The following CTIF variants were observed in gnomAD, a reference collection of about 807,000 sequenced individuals.
CTIF encodes CBP80/20-dependent translation initiation factor.
In CTIF, 21 loss-of-function variants were observed where a neutral mutation model predicts 66.0. That is an observed-to-expected ratio of 0.32 (90% CI 0.23 to 0.46). The LOEUF is 0.46. Ranked by LOEUF, CTIF falls within the 20% of genes least tolerant of loss-of-function variation. CTIF has a pLI of 1.00. For synonymous variants in CTIF, 345 were observed against 326.4 expected, an observed-to-expected ratio of 1.06 and a Z score of -0.62; for missense variants, 739 against 812.7, an observed-to-expected ratio of 0.91 and a Z score of 1.10.
intron 3 of CTIF, among the ~76,000 whole-genome samples, chr18:48,663,498 A>T (rs1417870456): frequency 1.3e-5 from 2 of 151,952 alleles, no homozygotes; most frequent in East Asian, 3.9e-4. Flanking sequence ...CTTTGAGGAG[A>T]GAGCCATGGG....
At chr18:48,667,494 C>T (rs2091456798) in intron 5 of CTIF, among the ~76,000 whole-genome samples, 2 of 152,252 alleles carry the variant, frequency 1.3e-5, no homozygotes, top group Middle Eastern at 3.4e-3. Flanking sequence ...GAGATCGAAG[C>T]GATGGTGCTG....
intron 9 of CTIF, among the ~76,000 whole-genome samples, chr18:48,793,694 T>C (rs1394528076): frequency 6.6e-6 from 1 of 152,216 alleles, no homozygotes; most frequent in African/African-American, 2.4e-5. Context: ...TCTTCATTTA[T>C]TGACTTTTCC....
chr18:48,553,538 G>T (rs956100076), intron 1 of CTIF, among the ~76,000 whole-genome samples: 6 of 152,338 alleles, frequency 3.9e-5, no homozygotes, highest in African/African-American at 1.4e-4. Context: ...CCAGCTCCTG[G>T]CTCATCCCAC....
At chr18:48,771,753 C>T (rs1024216987) in intron 9 of CTIF, among the ~76,000 whole-genome samples, 6 of 152,230 alleles carry the variant, frequency 3.9e-5, no homozygotes, top group Non-Finnish European at 5.9e-5. Context: ...CCTCCTCCTT[C>T]CCCGGAGCCA....
intron 9 of CTIF, among the ~76,000 whole-genome samples, chr18:48,772,765 TG>T (rs1481462664): frequency 7.2e-5 from 11 of 152,264 alleles, no homozygotes; most frequent in African/African-American, 2.4e-4. Context: ...TTCCACCTTT[TG>T]ACTATTGTGA....
At chr18:48,795,035 C>G (rs1281329072) in intron 9 of CTIF, among the ~76,000 whole-genome samples, 3 of 152,134 alleles carry the variant, frequency 2.0e-5, no homozygotes, top group Admixed American at 6.5e-5. Flanking sequence ...ACATGGCAAT[C>G]CTAAGTGGTT....
intron 2 of CTIF, among the ~76,000 whole-genome samples, chr18:48,620,276 G>A (rs561826001): frequency 2.0e-5 from 3 of 152,278 alleles, no homozygotes; most frequent in South Asian, 2.1e-4. Flanking sequence ...TCCAACCAGC[G>A]TCATGTTTGG....
intron 6 of CTIF, among the ~76,000 whole-genome samples, chr18:48,709,422 G>T (rs1160991625): frequency 6.6e-6 from 1 of 152,242 alleles, no homozygotes; most frequent in Non-Finnish European, 1.5e-5. Context: ...TGCTGCCTGT[G>T]TGCAGGTAAG....
chr18:48,842,228 G>C (rs1487069624), intron 10 of CTIF, among the ~76,000 whole-genome samples: 1 of 152,174 alleles, frequency 6.6e-6, no homozygotes, highest in African/African-American at 2.4e-5. Flanking sequence ...AGATTCAGGG[G>C]CTGCGGGGAT....
chr18:48,666,037 C>G (rs1183920066), intron 5 of CTIF, among the ~76,000 whole-genome samples: 1 of 152,210 alleles, frequency 6.6e-6, no homozygotes, highest in African/African-American at 2.4e-5. Flanking sequence ...AAACTGTGTT[C>G]CATAGCAGCT....
At chr18:48,676,271 C>A (rs910985129) in intron 6 of CTIF, among the ~76,000 whole-genome samples, 3 of 152,328 alleles carry the variant, frequency 2.0e-5, no homozygotes, top group African/African-American at 7.2e-5. Context: ...ATATACAATA[C>A]CCCATTGAAA....
chr18:48,638,912 G>T (rs542838396), intron 3 of CTIF, among the ~76,000 whole-genome samples: 1 of 152,374 alleles, frequency 6.6e-6, no homozygotes, highest in Admixed American at 6.5e-5. Context: ...CAGAGGCAAG[G>T]TTTTGTGGGA....
chr18:48,735,304 G>T (rs2092491021), intron 7 of CTIF, among the ~76,000 whole-genome samples: 1 of 152,188 alleles, frequency 6.6e-6, no homozygotes, highest in Non-Finnish European at 1.5e-5. Flanking sequence ...AGAGGTAGGA[G>T]CAGAGAACAC....
In CTIF at chr18:48,718,289, C is replaced by T. The variant is rs529120198; in HGVS notation, c.584+6594C>T. On this transcript the variant is annotated intron_variant, in intron 7 of 11. Transcript: ENST00000256413. ...GCTACAGTCTCTAACACTTTTGTTG[C>T]ATTATTCAGAGTTTTCCAGAGAAAC... Among the ~76,000 whole-genome samples the T allele has an allele frequency of 3.9e-5, 6 of 152,218 alleles. No homozygotes were observed. The South Asian group carries it at 1.2e-3, about 32-fold the overall frequency.
At chr18:48,808,722 G>C (rs557490351) in intron 9 of CTIF, among the ~76,000 whole-genome samples, 4 of 152,208 alleles carry the variant, frequency 2.6e-5, no homozygotes, top group African/African-American at 9.6e-5. Context: ...TGCCAAATTT[G>C]TTTCTAGGCT....
At chr18:48,781,023 G>A (rs1199955587) in intron 9 of CTIF, among the ~76,000 whole-genome samples, 2 of 152,314 alleles carry the variant, frequency 1.3e-5, no homozygotes, top group African/African-American at 2.4e-5. Flanking sequence ...CACAGAAGGC[G>A]AAGACCCCCC....
intron 2 of CTIF, among the ~76,000 whole-genome samples, chr18:48,633,105 G>A (rs879592375): frequency 5.1e-4 from 77 of 152,274 alleles, no homozygotes; most frequent in Non-Finnish European, 7.5e-4. Flanking sequence ...TCACCGTGCC[G>A]TGGAATATCA....
intron 3 of CTIF, among the ~76,000 whole-genome samples, chr18:48,647,700 G>A (rs961376706): frequency 3.9e-5 from 6 of 152,232 alleles, no homozygotes; most frequent in African/African-American, 1.4e-4. Flanking sequence ...CATAGAAACA[G>A]GAAAGGGATA....
rs193256821 is a variant in CTIF at position 48,715,000 on chromosome 18, G to T, written c.584+3305G>T. Among the ~76,000 whole-genome samples the T allele has an allele frequency of 1.9e-4, 29 of 152,290 alleles. No homozygotes were observed. The East Asian group carries it at 5.0e-3, about 26-fold the overall frequency. On this transcript the variant is annotated intron_variant, in intron 7 of 11. Coordinates refer to ENST00000256413, the MANE Select transcript of CTIF (RefSeq NM_014772.3). ...TGTGGAGCACAGGTGTCTGCAGTGA[G>T]CGGGGAGCTTTTGTCCTGTGATTGT...
Sources: gnomAD v4.1 joint callset for allele counts (sites outside exome capture counted in the v4.1 genomes callset) on GRCh38, gnomAD v4.1.1 for gene constraint, MANE v1.5 for transcripts, NCBI Gene and HGNC (gene_info 2026-07-23, HGNC 2026-07-21) for gene names.